Variants in SLC5A8 observed in about 807,000 individuals in gnomAD.
SLC5A8 encodes sodium-coupled monocarboxylate transporter 1.
A neutral mutation model predicts 71.9 loss-of-function variants in SLC5A8; 55 were observed. That is an observed-to-expected ratio of 0.77 (90% CI 0.62 to 0.96). SLC5A8 has a LOEUF of 0.96. Among genes scored for constraint, SLC5A8 ranks in the 40% least tolerant of loss-of-function variants. The pLI is 0.00. For missense variants in SLC5A8, 701 were observed against 745.3 expected, an observed-to-expected ratio of 0.94 and a Z score of 0.69; for synonymous variants, 307 against 276.1, an observed-to-expected ratio of 1.11 and a Z score of -1.11.
intron 10 of SLC5A8, among the ~76,000 whole-genome samples, chr12:101,168,952 G>C (rs995341182): frequency 1.3e-5 from 2 of 152,176 alleles, no homozygotes; most frequent in Non-Finnish European, 2.9e-5. Flanking sequence ...GAATCAAAGA[G>C]AAAATACCAA....
At chr12:101,187,608 A>G in intron 6 of SLC5A8, 93 bp from the exon 7 acceptor site, 2 of 1,283,616 alleles carry the variant, frequency 1.6e-6, no homozygotes, top group Non-Finnish European at 2.1e-6. Context: ...GACCTTCATG[A>G]TTAGACTCAA....
rs1222353169 is a variant in SLC5A8, at chr12:101,209,863, C to G, written c.-15G>C. The G allele has an allele frequency of 6.6e-7, 1 of 1,509,498 alleles. No individual in the cohort carries two copies. Among genetic ancestry groups the G allele is most frequent in the Admixed American group, 2.2e-5 (1 of 45,068 alleles). 93.5% of individuals were successfully genotyped at this position (1,509,498 alleles called of 1,614,324 possible). A position where few individuals can be genotyped will look rare whatever the true frequency, so the allele number is the denominator to read the frequency against. The stretch of plus-strand genomic sequence containing the variant: ...GGCGTGTCCATGGCCGCACGGTCGC[C>G]TGAGCCCTGCGCGCAAACTGGTGGC... On this transcript the variant is annotated 5_prime_UTR_variant, in exon 1 of 15. Coordinates refer to ENST00000536262, the MANE Select transcript of SLC5A8 (RefSeq NM_145913.5).
intron 10 of SLC5A8, among the ~76,000 whole-genome samples, chr12:101,170,013 G>A (rs2051812869): frequency 6.6e-6 from 1 of 152,242 alleles, no homozygotes; most frequent in South Asian, 2.1e-4. Flanking sequence ...TAAGTAATGT[G>A]TTAAAATGAA....
chr12:101,176,444 T>C lies in SLC5A8; in HGVS notation c.1233+3585A>G, dbSNP rs1593369110. On this transcript the variant is annotated intron_variant, in intron 10 of 14. Coordinates refer to ENST00000536262, the MANE Select transcript of SLC5A8 (RefSeq NM_145913.5). ...GCAACCATCAACAAACAGAATGTAA[T>C]TGATATTTATGGAACACTCTACCTA... Among the ~76,000 whole-genome samples the C allele has an allele frequency of 3.3e-5, 5 of 152,032 alleles. No homozygotes were observed. In the South Asian group the frequency reaches 1.0e-3, roughly 31 times the overall value.
intron 8 of SLC5A8, among the ~76,000 whole-genome samples, chr12:101,183,825 G>T (rs1383712591): frequency 6.6e-6 from 1 of 152,082 alleles, no homozygotes; most frequent in Non-Finnish European, 1.5e-5. Context: ...CAAGACTGTG[G>T]CACCCATTTT....
intron 12 of SLC5A8, among the ~76,000 whole-genome samples, chr12:101,165,941 A>G (rs2137125065): frequency 6.6e-6 from 1 of 152,316 alleles, no homozygotes; most frequent in East Asian, 1.9e-4. Context: ...CTATTTCAGT[A>G]CGTTAAATCA....
chr12:101,198,314 T>C (rs1869282788), intron 3 of SLC5A8, among the ~76,000 whole-genome samples: 1 of 151,678 alleles, frequency 6.6e-6, no homozygotes, highest in Non-Finnish European at 1.5e-5. Context: ...CACAAATTAA[T>C]GAAATAGAAA....
Position 101,157,160 on chromosome 12 carries a change from T to C in SLC5A8, c.*119A>G. 1 of 1,223,336 alleles carries C rather than the reference T, an allele frequency of 8.2e-7. No homozygotes were observed. Among genetic ancestry groups the C allele is most frequent in the Non-Finnish European group, 1.1e-6 (1 of 909,662 alleles). The allele number at this position is 1,223,336 out of a possible 1,614,324, so 75.8% of individuals were successfully genotyped here. A position where few individuals can be genotyped will look rare whatever the true frequency, so the allele number is the denominator to read the frequency against. On this transcript the variant is annotated 3_prime_UTR_variant, in exon 15 of 15. Transcript: ENST00000536262. Reference sequence around the variant, plus strand: ...TCCAGACTTTGTTTTAACAAAAACTTATCCCCCAAACACTCATGATACAAC... The same window carrying C: ...TCCAGACTTTGTTTTAACAAAAACTCATCCCCCAAACACTCATGATACAAC...
At chr12:101,160,283 G>A (rs2051712285) in intron 13 of SLC5A8, among the ~76,000 whole-genome samples, 1 of 152,148 alleles carries the variant, frequency 6.6e-6, no homozygotes, top group East Asian at 1.9e-4. Context: ...TTTTGAGAAA[G>A]AGCACAGTCC....
chr12:101,193,594 G>T (rs1440410006), intron 5 of SLC5A8, 31 bp downstream of exon 5: 1 of 1,582,870 alleles, frequency 6.3e-7, no homozygotes, highest in Admixed American at 1.9e-5. Context: ...TACAAAAGAT[G>T]TGTTCAGTTA....
intron 14 of SLC5A8, among the ~76,000 whole-genome samples, chr12:101,158,007 A>G (rs933771383): frequency 6.6e-6 from 1 of 152,202 alleles, no homozygotes; most frequent in African/African-American, 2.4e-5. Context: ...CAACAGATAT[A>G]GCTCATCAGA....
intron 6 of SLC5A8, 54 bp from the exon 7 acceptor site, chr12:101,187,569 A>T (rs1868710587): frequency 1.3e-6 from 2 of 1,559,156 alleles, no homozygotes; most frequent in African/African-American, 1.4e-5. Context: ...TGTCCCAAAG[A>T]TTAGGAAACC....
intron 10 of SLC5A8, among the ~76,000 whole-genome samples, chr12:101,177,590 T>C (rs538156706): frequency 1.3e-5 from 2 of 152,046 alleles, no homozygotes; most frequent in South Asian, 2.1e-4. Context: ...TAAAAATAAC[T>C]ACACACCATG....
intron 10 of SLC5A8, among the ~76,000 whole-genome samples, chr12:101,169,143 T>C (rs1012077168): frequency 3.3e-5 from 5 of 152,048 alleles, no homozygotes; most frequent in Non-Finnish European, 5.9e-5. Flanking sequence ...AGAAGGGAGA[T>C]AGACTTCACT....
chr12:101,159,039 G>A (rs750777295), intron 13 of SLC5A8, among the ~76,000 whole-genome samples: 1 of 151,848 alleles, frequency 6.6e-6, no homozygotes, highest in Non-Finnish European at 1.5e-5. Flanking sequence ...TCAAAGAGTG[G>A]TCCTCAAACT....
At position 101,156,964 on chromosome 12, in the gene SLC5A8, C is replaced by A; in HGVS notation, c.*315G>T. ...ATAATACCCAAATTTAAGAATATAC[C>A]TTTGACAATCAAATACATGTGCATA... On this transcript the variant is annotated 3_prime_UTR_variant, in exon 15 of 15. Transcript: ENST00000536262. The A allele has an allele frequency of 4.4e-6, 1 of 225,448 alleles. No individual in the cohort carries two copies. Among genetic ancestry groups the A allele is most frequent in the Non-Finnish European group, 8.6e-6 (1 of 116,344 alleles). 14.0% of individuals were successfully genotyped at this position (225,448 alleles called of 1,614,324 possible).
chr12:101,162,055 ACCAGTTATCCATCAGTGGAGT>A lies in SLC5A8; in HGVS notation c.1528_1548del (p.Thr510_Trp516del). On this transcript the variant is annotated inframe_deletion and splice_region_variant, in exon 13 of 15. Transcript: ENST00000536262. Reference sequence around the variant, plus strand: ...CTGAAGTACAGATATGATAAAGAATACCAGTTATCCATCAGTGGAGTCCTAAGAGAGCAAAAACACAACGGT... The same window carrying A: ...CTGAAGTACAGATATGATAAAGAATACCTAAGAGAGCAAAAACACAACGGT... The A allele has an allele frequency of 6.2e-7, 1 of 1,613,676 alleles. No individual in the cohort carries two copies. Among genetic ancestry groups the A allele is most frequent in the Non-Finnish European group, 8.5e-7 (1 of 1,179,714 alleles).
intron 10 of SLC5A8, 145 bp downstream of exon 10, chr12:101,179,884 A>G: frequency 1.3e-6 from 1 of 799,526 alleles, no homozygotes; most frequent in Non-Finnish European, 2.0e-6. Context: ...GTTTAATTAA[A>G]AAAAATTAAA....
rs748498833 is a variant in SLC5A8 at position 101,158,303 on chromosome 12, G to A, written c.1656C>T (p.Pro552=). The A allele has an allele frequency of 5.0e-6, 8 of 1,586,050 alleles. No individual in the cohort carries two copies. The Admixed American group carries it at 8.8e-5, about 17-fold the overall frequency. The change falls in exon 14 of 15, where the codon CCC becomes CCT. Residue 552 remains proline, a synonymous_variant. Transcript: ENST00000536262. The stretch of plus-strand genomic sequence containing the variant: ...AGTCCTCTTTGGTTAGTATGTATCT[G>A]GGGTCTAAGTTCTGTTTTCTTCCTC... ...STGGRKQNLD[P]RYILTKEDFL...
Sources: gnomAD v4.1 joint callset for allele counts (sites outside exome capture counted in the v4.1 genomes callset) on GRCh38, gnomAD v4.1.1 for gene constraint, MANE v1.5 for transcripts, NCBI Gene and HGNC (gene_info 2026-07-23, HGNC 2026-07-21) for gene names.